SLC16A10: variants seen among roughly 807,000 people sequenced by gnomAD.
SLC16A10 encodes the protein solute carrier family 16 member 10.
A neutral mutation model predicts 40.0 loss-of-function variants in SLC16A10; 27 were observed. The ratio of observed to expected loss-of-function variants is 0.67; its 90% CI spans 0.50 to 0.93. SLC16A10 has a LOEUF of 0.93. Ranked by LOEUF, SLC16A10 falls within the 40% of genes least tolerant of loss-of-function variation. The pLI, the probability that SLC16A10 is intolerant of heterozygous loss-of-function variation, is 0.00. For missense variants in SLC16A10, 529 were observed against 658.2 expected, an observed-to-expected ratio of 0.80 and a Z score of 2.15; for synonymous variants, 213 against 249.8, an observed-to-expected ratio of 0.85 and a Z score of 1.39.
chr6:111,128,622 G>A (rs1771723837), intron 1 of SLC16A10, among the ~76,000 whole-genome samples: 1 of 152,168 alleles, frequency 6.6e-6, no homozygotes, highest in Non-Finnish European at 1.5e-5. Flanking sequence ...CTCGAAGTCG[G>A]ATGCAGTAAG....
intron 1 of SLC16A10, among the ~76,000 whole-genome samples, chr6:111,146,467 G>A (rs531177922): frequency 4.6e-5 from 7 of 152,268 alleles, no homozygotes; most frequent in African/African-American, 7.2e-5. Context: ...CAGGCCGGGC[G>A]CGGTGGCTCA....
intron 1 of SLC16A10, among the ~76,000 whole-genome samples, chr6:111,159,067 C>CAAA (rs548809670): frequency 0.13 from 2,947 of 23,382 alleles, 320 homozygotes; most frequent in Non-Finnish European, 0.19. Flanking sequence ...GACCCTGACT[C>CAAA]AAAAAAAAAA....
At chr6:111,151,247 TTGAG>T (rs1209509795) in intron 1 of SLC16A10, among the ~76,000 whole-genome samples, 1 of 152,214 alleles carries the variant, frequency 6.6e-6, no homozygotes, top group Non-Finnish European at 1.5e-5. Flanking sequence ...TTCAGGCATA[TTGAG>T]TAAGTTGCCT....
At chr6:111,218,701 T>C in intron 4 of SLC16A10, 113 bp from the exon 5 acceptor site, 1 of 806,926 alleles carries the variant, frequency 1.2e-6, no homozygotes, top group African/African-American at 1.7e-5. Context: ...AATGAGGCAG[T>C]GGCAGGGGGG....
chr6:111,161,479 G>T (rs1460452019), intron 1 of SLC16A10, among the ~76,000 whole-genome samples: 1 of 152,038 alleles, frequency 6.6e-6, no homozygotes, highest in East Asian at 1.9e-4. Context: ...CTCTGAAGAG[G>T]TACATCTAAC....
chr6:111,124,044 G>C (rs919505103), intron 1 of SLC16A10, among the ~76,000 whole-genome samples: 1 of 152,116 alleles, frequency 6.6e-6, no homozygotes, highest in Non-Finnish European at 1.5e-5. Context: ...CTTGAGGGCC[G>C]CATTAGGAGC....
intron 1 of SLC16A10, among the ~76,000 whole-genome samples, chr6:111,142,232 C>T (rs1212471031): frequency 3.9e-5 from 6 of 152,162 alleles, no homozygotes; most frequent in Admixed American, 2.0e-4. Flanking sequence ...TACAGTTAAT[C>T]TTTGACAAAG....
At chr6:111,204,976 C>T (rs1324365530) in intron 3 of SLC16A10, among the ~76,000 whole-genome samples, 2 of 151,280 alleles carry the variant, frequency 1.3e-5, no homozygotes, top group Non-Finnish European at 2.9e-5. Flanking sequence ...TTTTCTACTT[C>T]TGAGTCAAAG....
At position 111,228,172 on chromosome 6, in the gene SLC16A10, C is replaced by T. The variant is rs1258680636; in HGVS notation, c.*5937C>T. The T allele has an allele frequency of 6.6e-6, 1 of 152,154 alleles. No individual in the cohort carries two copies. The highest frequency in any genetic ancestry group is 1.5e-5 in the Non-Finnish European group (1 of 68,026). The allele number at this position is 152,154 out of a possible 1,614,324, so 9.4% of individuals were successfully genotyped here. A position where few individuals can be genotyped will look rare whatever the true frequency, so the allele number is the denominator to read the frequency against. ...GCTTCGCCAGTGGCTTTTCAAGTTA[C>T]ACTGGAAGCTTGATTATGAAAAAGT... On this transcript the variant is annotated 3_prime_UTR_variant, in exon 6 of 6. Transcript: ENST00000368851.
chr6:111,186,544 G>T (rs1482263305), intron 3 of SLC16A10, among the ~76,000 whole-genome samples: 2 of 152,204 alleles, frequency 1.3e-5, no homozygotes, highest in Non-Finnish European at 2.9e-5. Flanking sequence ...GGAGAGAGTT[G>T]TCTGATCCAT....
chr6:111,123,347 A>G lies in SLC16A10; in HGVS notation c.343+35252A>G, dbSNP rs562936373. On this transcript the variant is annotated intron_variant, in intron 1 of 5. Transcript: ENST00000368851. ...TGCAAGGAAGTCTCTTCAGATTACT[A>G]CAGGGTAAAAGAATCCATTCCCTTT... 3.9e-5 allele frequency among the ~76,000 whole-genome samples: 6 copies of G among 152,348 alleles called. No homozygotes were observed. The East Asian group carries it at 5.8e-4, about 15-fold the overall frequency.
chr6:111,215,553 T>G (rs935582933), intron 4 of SLC16A10, among the ~76,000 whole-genome samples: 6 of 152,224 alleles, frequency 3.9e-5, no homozygotes, highest in Non-Finnish European at 7.3e-5. Context: ...GTCTATAGTT[T>G]TAACAATTAA....
At chr6:111,164,754 GAA>G (rs1772440859) in intron 1 of SLC16A10, among the ~76,000 whole-genome samples, 1 of 151,792 alleles carries the variant, frequency 6.6e-6, no homozygotes, top group Non-Finnish European at 1.5e-5. Context: ...TGATACTGTT[GAA>G]AAAACAAAAA....
At chr6:111,163,146 A>ATTTTTTTTTT (rs34027805) in intron 1 of SLC16A10, among the ~76,000 whole-genome samples, 1 of 85,310 alleles carries the variant, frequency 1.2e-5, no homozygotes, top group African/African-American at 4.6e-5. Context: ...CAACATAATA[A>ATTTTTTTTTT]TTTTTTTTTT....
chr6:111,216,305 A>T (rs1051121388), intron 4 of SLC16A10, among the ~76,000 whole-genome samples: 1 of 152,198 alleles, frequency 6.6e-6, no homozygotes, highest in Non-Finnish European at 1.5e-5. Context: ...AGGATATTTA[A>T]CTGGCAAACA....
In SLC16A10 at chr6:111,228,404, C is replaced by T. The variant is rs1366866929; in HGVS notation, c.*6169C>T. Reference sequence around the variant, plus strand: ...TAGTGTAGGAGTTAACCCAGTCTACCCAAAGAAGTTGCTTTGCCTTTCAAT... The same window carrying T: ...TAGTGTAGGAGTTAACCCAGTCTACTCAAAGAAGTTGCTTTGCCTTTCAAT... On this transcript the variant is annotated 3_prime_UTR_variant, in exon 6 of 6. Transcript: ENST00000368851. 1 of 152,074 alleles carries T rather than the reference C, an allele frequency of 6.6e-6. No homozygotes were observed. Among genetic ancestry groups the T allele is most frequent in the Admixed American group, 6.6e-5 (1 of 15,248 alleles). 9.4% of individuals were successfully genotyped at this position (152,074 alleles called of 1,614,324 possible).
At chr6:111,130,569 G>A (rs547922436) in intron 1 of SLC16A10, among the ~76,000 whole-genome samples, 2 of 152,176 alleles carry the variant, frequency 1.3e-5, no homozygotes, top group African/African-American at 4.8e-5. Flanking sequence ...TGGCTTGGTA[G>A]CATTACCTCT....
At chr6:111,104,847 G>A (rs1771252778) in intron 1 of SLC16A10, among the ~76,000 whole-genome samples, 3 of 151,702 alleles carry the variant, frequency 2.0e-5, no homozygotes, top group African/African-American at 7.3e-5. Flanking sequence ...TAAAAGTATG[G>A]CCGCACTGAG....
intron 1 of SLC16A10, among the ~76,000 whole-genome samples, chr6:111,100,515 A>G (rs1688766130): frequency 6.6e-6 from 1 of 152,062 alleles, no homozygotes; most frequent in South Asian, 2.1e-4. Flanking sequence ...CAGCTTCCTG[A>G]GTAGCTAGGA....
Sources: allele counts gnomAD v4.1 joint callset (sites outside exome capture counted in the v4.1 genomes callset), GRCh38; gene constraint gnomAD v4.1.1; transcripts MANE v1.5; gene names NCBI Gene and HGNC (gene_info 2026-07-23, HGNC 2026-07-21).